PCNX2: variants seen among roughly 807,000 people sequenced by gnomAD.
PCNX2 encodes pecanex 2, also known as pecanex-like protein 2.
In PCNX2, 168 loss-of-function variants were observed where a neutral mutation model predicts 223.8. The ratio of observed to expected loss-of-function variants is 0.75; its 90% confidence interval spans 0.66 to 0.85. The LOEUF is 0.85. Among genes scored for constraint, PCNX2 ranks in the 40% least tolerant of loss-of-function variants. The pLI is 0.00. For synonymous variants in PCNX2, 1,006 were observed against 1,052.6 expected (o/e 0.96, Z 0.86); for missense variants, 2,507 against 2,675.5 (o/e 0.94, Z 1.39).
At position 233,217,516 on chromosome 1, in the gene PCNX2, A is replaced by G. The variant is rs139075198; in HGVS notation, c.2691+383T>C. ...TTACACATAGGGAAACTGAGGCATG[A>G]AAAGGCCCAGTATGTTGTTCAGTGT... On this transcript the variant is annotated intron_variant, in intron 12 of 33. Transcript: ENST00000258229. Among the ~76,000 whole-genome samples the G allele has an allele frequency of 1.2e-3, 190 of 152,296 alleles. 1 individual carries two copies. The highest frequency in any genetic ancestry group is 3.4e-3 in the Middle Eastern group (1 of 294).
intron 23 of PCNX2, among the ~76,000 whole-genome samples, chr1:233,072,454 G>C (rs7522379): frequency 0.074 from 11,294 of 152,006 alleles, 525 homozygotes; most frequent in East Asian, 0.16. Context: ...CTTATTTCTG[G>C]GTTTTCTATT....
At chr1:233,008,964 G>C (rs1015591025) in intron 28 of PCNX2, among the ~76,000 whole-genome samples, 8 of 152,178 alleles carry the variant, frequency 5.3e-5, no homozygotes, top group African/African-American at 1.4e-4. Context: ...TGCAGAGCTG[G>C]GGGGAGTGTG....
At chr1:233,232,906 A>G (rs1052168284) in intron 9 of PCNX2, 1 of 984,690 alleles carries the variant, frequency 1.0e-6, no homozygotes, top group South Asian at 4.7e-5. Context: ...ATAGACTTGC[A>G]TAGAGCTTTA....
At chr1:233,192,430 T>C (rs989688976) in intron 15 of PCNX2, among the ~76,000 whole-genome samples, 2 of 152,186 alleles carry the variant, frequency 1.3e-5, no homozygotes, top group Non-Finnish European at 2.9e-5. Flanking sequence ...AAAAAAATTT[T>C]AAACATTCTA....
chr1:232,986,066 C>T (rs1314414752), intron 33 of PCNX2, 26 bp downstream of exon 33: 1 of 1,551,528 alleles, frequency 6.4e-7, no homozygotes, highest in Non-Finnish European at 8.7e-7. Flanking sequence ...CCAGCCTGTC[C>T]TGGTGAGCCC....
chr1:233,096,303 G>T (rs1006323558), intron 21 of PCNX2, among the ~76,000 whole-genome samples: 2 of 152,172 alleles, frequency 1.3e-5, no homozygotes, highest in African/African-American at 4.8e-5. Context: ...TCATTGAAAT[G>T]CAAGTTACAA....
intron 8 of PCNX2, among the ~76,000 whole-genome samples, chr1:233,241,755 A>G (rs921676716): frequency 3.9e-5 from 6 of 152,218 alleles, no homozygotes; most frequent in African/African-American, 7.2e-5. Flanking sequence ...TGAATGGCAC[A>G]TGGTACTGGG....
At chr1:233,271,906 G>C (rs1660657522) in intron 1 of PCNX2, among the ~76,000 whole-genome samples, 1 of 152,178 alleles carries the variant, frequency 6.6e-6, no homozygotes, top group Non-Finnish European at 1.5e-5. Context: ...ATCAGGTAAT[G>C]TGATGCCTCC....
intron 32 of PCNX2, among the ~76,000 whole-genome samples, chr1:232,989,371 G>A (rs963485383): frequency 3.9e-5 from 6 of 151,956 alleles, no homozygotes; most frequent in Non-Finnish European, 7.4e-5. Flanking sequence ...GGAGAATGGC[G>A]TGAACCCAGG....
At chr1:233,325,742 T>C in the PCNX2 span, among the ~76,000 whole-genome samples, 1 of 152,108 alleles carries the variant, frequency 6.6e-6, no homozygotes, top group African/African-American at 2.4e-5. Context: ...TGAGATGGAA[T>C]CTACTCCCAG....
intron 25 of PCNX2, among the ~76,000 whole-genome samples, chr1:233,042,645 T>C (rs959528359): frequency 5.9e-5 from 9 of 152,158 alleles, no homozygotes; most frequent in Admixed American, 4.6e-4. Context: ...TTTTATCCCA[T>C]GAACTGATGG....
intron 12 of PCNX2, among the ~76,000 whole-genome samples, chr1:233,213,920 C>T (rs962488128): frequency 2.0e-5 from 3 of 149,094 alleles, no homozygotes; most frequent in Non-Finnish European, 3.0e-5. Flanking sequence ...CCTTTGCCAC[C>T]CGGGTTCAAG....
chr1:233,130,009 T>C (rs1428095414), intron 21 of PCNX2, among the ~76,000 whole-genome samples: 1 of 152,188 alleles, frequency 6.6e-6, no homozygotes, highest in African/African-American at 2.4e-5. Context: ...TGCGAAGGTC[T>C]GCAGCTTCAC....
Position 233,208,685 on chromosome 1 carries a change from T to C in PCNX2, c.2696A>G (p.His899Arg). 1 of 1,611,580 alleles carries C rather than the reference T, an allele frequency of 6.2e-7. No individual in the cohort carries two copies. The highest frequency in any genetic ancestry group is 8.5e-7 in the Non-Finnish European group (1 of 1,178,538). Residue 899 changes from histidine (H) to arginine (R), a missense_variant, in exon 13 of 34, where the codon CAC becomes CGC. By Grantham distance (29) the His-to-Arg change is conservative. Coordinates refer to ENST00000258229, the MANE Select transcript of PCNX2 (RefSeq NM_014801.4). ...TCTGCTATATGTTATGATTTGGTTG[T>C]GTCCCTAGAAAACAAACACAATTTC... ...QPDPASPIHG[H>R]NQIITYSRPI...
intron 32 of PCNX2, among the ~76,000 whole-genome samples, chr1:232,988,978 A>C (rs1669596087): frequency 6.6e-6 from 1 of 152,202 alleles, no homozygotes; most frequent in Non-Finnish European, 1.5e-5. Context: ...GGTCTCAGGC[A>C]GGAGGGACCC....
At chr1:233,114,266 A>C (rs1448039315) in intron 21 of PCNX2, among the ~76,000 whole-genome samples, 1 of 152,214 alleles carries the variant, frequency 6.6e-6, no homozygotes, top group Non-Finnish European at 1.5e-5. Context: ...GGCTCAAAAA[A>C]GGATCGAGTC....
At position 233,250,768 on chromosome 1, in the gene PCNX2, T is replaced by C. The variant is rs1659404621; in HGVS notation, c.2193A>G (p.Pro731=). Residue 731 remains proline (P), a synonymous_variant, in exon 8 of 34, where the codon CCA becomes CCG. Transcript: ENST00000258229. The part of the protein sequence containing the change: ...NQKEGPLQPL[P]SNNDCLSQAR... ...CCTGAGAGAGACAGTCATTATTTGA[T>C]GGTAGAGGCTGTAAAGGGCCTTCTT... 3.7e-6 allele frequency: 6 copies of C among 1,607,212 alleles called. No homozygotes were observed. The highest frequency in any genetic ancestry group is 5.1e-6 in the Non-Finnish European group (6 of 1,176,826).
At chr1:233,243,607 A>G (rs1402846971) in intron 8 of PCNX2, among the ~76,000 whole-genome samples, 2 of 152,222 alleles carry the variant, frequency 1.3e-5, no homozygotes, top group African/African-American at 4.8e-5. Context: ...CACTAGAGGA[A>G]AGGCTTCCAT....
chr1:233,279,120 A>G (rs926514206), intron 1 of PCNX2, among the ~76,000 whole-genome samples: 2 of 152,186 alleles, frequency 1.3e-5, no homozygotes, highest in African/African-American at 2.4e-5. Context: ...AGATCTGTCT[A>G]TTCTCATTGG....
Sources: allele counts gnomAD v4.1 joint callset (sites outside exome capture counted in the v4.1 genomes callset), GRCh38; gene constraint gnomAD v4.1.1; transcripts MANE v1.5; gene names NCBI Gene and HGNC (gene_info 2026-07-23, HGNC 2026-07-21).